Variants in INPP4A observed in about 807,000 individuals in gnomAD.
INPP4A encodes the protein inositol polyphosphate-4-phosphatase type I A, also known as inositol polyphosphate-4-phosphatase, type I, 107kD.
In INPP4A, 33 loss-of-function variants were observed where a neutral mutation model predicts 119.8. The ratio of observed to expected loss-of-function variants is 0.28; its 90% CI spans 0.21 to 0.37. The LOEUF is 0.37. INPP4A is among the 10% of genes least tolerant of loss of function. The pLI, the probability that INPP4A is intolerant of heterozygous loss-of-function variation, is 1.00. For synonymous variants in INPP4A, 496 were observed against 500.7 expected (o/e 0.99, Z 0.12); for missense variants, 956 against 1,289.9 (o/e 0.74, Z 3.97).
At chr2:98,533,280 A>G in intron 4 of INPP4A, 97 bp from the exon 5 acceptor site, 2 of 740,032 alleles carry the variant, frequency 2.7e-6, no homozygotes, top group East Asian at 2.5e-5. Flanking sequence ...TTTGAATGTC[A>G]TTTACTCTTT....
intron 1 of INPP4A, among the ~76,000 whole-genome samples, chr2:98,490,854 G>C (rs1186981073): frequency 3.9e-5 from 6 of 152,228 alleles, no homozygotes; most frequent in Non-Finnish European, 7.3e-5. Flanking sequence ...AACAAGTCAT[G>C]AGGGGCTTTT....
chr2:98,511,955 C>T (rs574152559), intron 1 of INPP4A, among the ~76,000 whole-genome samples: 18 of 152,282 alleles, frequency 1.2e-4, no homozygotes, highest in Admixed American at 3.3e-4. Flanking sequence ...TGAAAAGTTC[C>T]GGTTGGAGGA....
chr2:98,584,519 C>T (rs1046440475), intron 24 of INPP4A, among the ~76,000 whole-genome samples: 4 of 152,252 alleles, frequency 2.6e-5, no homozygotes, highest in Admixed American at 1.3e-4. Context: ...AGAGAAGCTG[C>T]GGCCAGGCCG....
At chr2:98,518,641 C>T (rs1686598243) in intron 1 of INPP4A, among the ~76,000 whole-genome samples, 2 of 152,216 alleles carry the variant, frequency 1.3e-5, no homozygotes, top group African/African-American at 4.8e-5. Flanking sequence ...GCAGCTTCTC[C>T]CAGGGCCTAC....
chr2:98,492,327 T>C (rs1322719007), intron 1 of INPP4A, among the ~76,000 whole-genome samples: 2 of 152,238 alleles, frequency 1.3e-5, no homozygotes, highest in Non-Finnish European at 2.9e-5. Context: ...GGGGACTGTC[T>C]GTAGTACATG....
chr2:98,559,879 T>A (rs888784975), intron 17 of INPP4A, among the ~76,000 whole-genome samples: 2 of 152,230 alleles, frequency 1.3e-5, no homozygotes, highest in Non-Finnish European at 2.9e-5. Flanking sequence ...AGAAATGTAA[T>A]CTCTTTGCTT....
intron 1 of INPP4A, among the ~76,000 whole-genome samples, chr2:98,498,681 AC>A (rs1682531020): frequency 6.6e-6 from 1 of 152,204 alleles, no homozygotes; most frequent in Admixed American, 6.5e-5. Flanking sequence ...ATGTTGAAGT[AC>A]TAACCCCCAA....
chr2:98,466,821 T>C (rs1674879785), intron 1 of INPP4A, among the ~76,000 whole-genome samples: 2 of 152,224 alleles, frequency 1.3e-5, no homozygotes, highest in South Asian at 4.1e-4. Flanking sequence ...CACTTATGTA[T>C]TTTTTGGGCA....
At chr2:98,493,494 C>T (rs1681284184) in intron 1 of INPP4A, among the ~76,000 whole-genome samples, 2 of 147,538 alleles carry the variant, frequency 1.4e-5, no homozygotes, top group African/African-American at 5.0e-5. Flanking sequence ...ACCTCCCAGG[C>T]TCGAGATCCA....
intron 1 of INPP4A, among the ~76,000 whole-genome samples, chr2:98,458,747 C>A (rs1237610726): frequency 1.3e-5 from 2 of 152,098 alleles, no homozygotes; most frequent in Non-Finnish European, 2.9e-5. Flanking sequence ...GTGTTGGGAC[C>A]CCTAAGTATG....
rs539691444 is a variant in INPP4A at position 98,495,726 on chromosome 2, T to C, written c.-165-23238T>C. On this transcript the variant is annotated intron_variant, in intron 1 of 24. Transcript: ENST00000409851. Reference sequence around the variant, plus strand: ...GGAATCATAGAAGGGATTGTTTGGGTTAAGATAAGGGGTTGTGGAGACCAG... The same window carrying C: ...GGAATCATAGAAGGGATTGTTTGGGCTAAGATAAGGGGTTGTGGAGACCAG... Among the ~76,000 whole-genome samples, 211 of 152,260 alleles carry C rather than the reference T, an allele frequency of 1.4e-3. 1 individual carries two copies. The highest frequency in any genetic ancestry group is 4.8e-3 in the African/African-American group (201 of 41,552).
At chr2:98,576,319 G>T (rs1698406077) in intron 23 of INPP4A, among the ~76,000 whole-genome samples, 1 of 152,200 alleles carries the variant, frequency 6.6e-6, no homozygotes, top group South Asian at 2.1e-4. Context: ...CCTTTTCCCA[G>T]TCCAGAGGCT....
rs748498947 is a variant in INPP4A at position 98,535,683 on chromosome 2, T to G, written c.271-46T>G. Reference sequence around the variant, plus strand: ...GGTGTATTTCAAAAGCAATTACATTTTAAAAATCCAACCCTGTGTTCTGAT... The same window carrying G: ...GGTGTATTTCAAAAGCAATTACATTGTAAAAATCCAACCCTGTGTTCTGAT... On this transcript the variant is annotated intron_variant, in intron 5 of 24. Transcript: ENST00000409851. The G allele has an allele frequency of 3.5e-6, 3 of 857,142 alleles. No homozygotes were observed. In the South Asian group the frequency reaches 5.0e-5, roughly 14 times the overall value. 53.1% of individuals were successfully genotyped at this position (857,142 alleles called of 1,614,324 possible). A position where few individuals can be genotyped will look rare whatever the true frequency, so the allele number is the denominator to read the frequency against.
intron 23 of INPP4A, among the ~76,000 whole-genome samples, chr2:98,573,613 G>T (rs950691570): frequency 6.6e-6 from 1 of 152,148 alleles, no homozygotes; most frequent in Admixed American, 6.5e-5. Context: ...CAGCCACCAC[G>T]CCTCGTCACA....
chr2:98,449,100 T>C (rs891405602), intron 1 of INPP4A, among the ~76,000 whole-genome samples: 12 of 152,216 alleles, frequency 7.9e-5, no homozygotes, highest in Non-Finnish European at 1.5e-5. Flanking sequence ...ATTAAGGTGG[T>C]GTCTATCTCA....
chr2:98,554,253 G>T lies in INPP4A; in HGVS notation c.1348-18G>T. On this transcript the variant is annotated intron_variant, in intron 14 of 24. Transcript: ENST00000409851. The surrounding 1 kb of genome is among the most constrained non-coding windows in gnomAD (Gnocchi z 4.7). ...CCCTGGCCTGGGCTCAGCAGCCTTG[G>T]TTTGTGTGCACCTGCAGACACGGCA... 6.3e-7 allele frequency: 1 copy of T among 1,580,912 alleles called. No individual in the cohort carries two copies. Among genetic ancestry groups the T allele is most frequent in the Non-Finnish European group, 8.6e-7 (1 of 1,163,222 alleles).
At chr2:98,581,507 C>T in intron 24 of INPP4A, 1 of 1,441,572 alleles carries the variant, frequency 6.9e-7, no homozygotes, top group Non-Finnish European at 9.2e-7. Context: ...CATGTGTCTT[C>T]TTTTTTTCTT....
In INPP4A at chr2:98,462,409, C is replaced by T. The variant is rs181810533; in HGVS notation, c.-166+17324C>T. Among the ~76,000 whole-genome samples, 3 of 152,278 alleles carry T rather than the reference C, an allele frequency of 2.0e-5. No homozygotes were observed. The East Asian group carries it at 5.8e-4, about 29-fold the overall frequency. On this transcript the variant is annotated intron_variant, in intron 1 of 24. Transcript: ENST00000409851. ...GTTGCAGTGAGCCGAGATCGTGCCA[C>T]TGCACTTTAGCCTGGGCAACAGATG...
intron 22 of INPP4A, among the ~76,000 whole-genome samples, chr2:98,571,482 T>C (rs1190794295): frequency 6.6e-6 from 1 of 152,194 alleles, no homozygotes; most frequent in Non-Finnish European, 1.5e-5. Flanking sequence ...AATTTGTGCC[T>C]AGCACCTTAG....
Sources: allele counts gnomAD v4.1 joint callset (sites outside exome capture counted in the v4.1 genomes callset), GRCh38; gene constraint gnomAD v4.1.1; non-coding constraint Gnocchi (gnomAD v3.1); transcripts MANE v1.5; gene names NCBI Gene and HGNC (gene_info 2026-07-23, HGNC 2026-07-21).